SLC35F1: variants seen among roughly 807,000 people sequenced by gnomAD.
SLC35F1 encodes the protein chromosome 6 open reading frame 169.
SLC35F1 carries 14 observed loss-of-function variants against 48.7 expected under a neutral mutation model. The ratio of observed to expected loss-of-function variants is 0.29; its 90% CI spans 0.19 to 0.45. The LOEUF (loss-of-function observed/expected upper bound fraction) is 0.45, where lower values mean the gene tolerates loss of function less well. Among genes scored for constraint, SLC35F1 ranks in the 20% least tolerant of loss-of-function variants. The pLI is 1.00. For synonymous variants in SLC35F1, 190 were observed against 202.2 expected (o/e 0.94, Z 0.51); for missense variants, 404 against 500.0 (o/e 0.81, Z 1.83).
At chr6:118,049,237 G>A (rs1326185420) in intron 1 of SLC35F1, among the ~76,000 whole-genome samples, 2 of 152,122 alleles carry the variant, frequency 1.3e-5, no homozygotes, top group Non-Finnish European at 2.9e-5. Flanking sequence ...AGACTTAAAT[G>A]TTAGACCTAA....
chr6:118,297,673 AG>A (rs879927139), intron 7 of SLC35F1, among the ~76,000 whole-genome samples: 14,717 of 140,358 alleles, frequency 0.1, 1,256 homozygotes, highest in African/African-American at 0.2. Flanking sequence ...ATATTATATA[AG>A]TTCTGAGAAA....
chr6:118,116,113 A>G (rs1450095004), intron 1 of SLC35F1, among the ~76,000 whole-genome samples: 1 of 152,170 alleles, frequency 6.6e-6, no homozygotes, highest in Non-Finnish European at 1.5e-5. Flanking sequence ...GTCCTTTTGT[A>G]TAGTGCCCCC....
At chr6:118,187,805 A>T (rs933093376) in intron 2 of SLC35F1, among the ~76,000 whole-genome samples, 11 of 152,218 alleles carry the variant, frequency 7.2e-5, no homozygotes, top group Non-Finnish European at 1.6e-4. Context: ...CCTAGCATAT[A>T]AATCATTCAC....
intron 1 of SLC35F1, among the ~76,000 whole-genome samples, chr6:117,923,701 A>ACATATACG (rs1562238819): frequency 5.7e-5 from 1 of 17,488 alleles, no homozygotes; most frequent in Non-Finnish European, 1.2e-4. Flanking sequence ...GTACATATAC[A>ACATATACG]TATATGTACA....
intron 1 of SLC35F1, among the ~76,000 whole-genome samples, chr6:118,020,838 C>T (rs1052017399): frequency 1.3e-5 from 2 of 152,034 alleles, no homozygotes; most frequent in Non-Finnish European, 2.9e-5. Context: ...ACTATAGGAG[C>T]AGGGTGAATA....
intron 1 of SLC35F1, among the ~76,000 whole-genome samples, chr6:117,919,273 C>T (rs1250616200): frequency 1.3e-5 from 2 of 151,996 alleles, no homozygotes; most frequent in African/African-American, 4.8e-5. Context: ...TAGCCTGTGT[C>T]GTATGTTTTG....
At chr6:117,980,003 G>C (rs150552753) in intron 1 of SLC35F1, among the ~76,000 whole-genome samples, 37 of 152,264 alleles carry the variant, frequency 2.4e-4, no homozygotes, top group Non-Finnish European at 4.1e-4. Flanking sequence ...GCACAGTTGT[G>C]AAATTTCTTC....
chr6:118,243,519 A>G (rs2114594240), intron 3 of SLC35F1, among the ~76,000 whole-genome samples: 1 of 152,334 alleles, frequency 6.6e-6, no homozygotes, highest in Non-Finnish European at 1.5e-5. Context: ...GCTATGAGGC[A>G]ACCGACAGCT....
At position 117,907,519 on chromosome 6, in the gene SLC35F1, G is replaced by A; in HGVS notation, c.-208G>A. The A allele has an allele frequency of 3.3e-6, 1 of 306,024 alleles. No individual in the cohort carries two copies. Among genetic ancestry groups the A allele is most frequent in the Non-Finnish European group, 5.9e-6 (1 of 168,940 alleles). The allele number at this position is 306,024 out of a possible 1,614,324, so 19.0% of individuals were successfully genotyped here. A position where few individuals can be genotyped will look rare whatever the true frequency, so the allele number is the denominator to read the frequency against. On this transcript the variant is annotated 5_prime_UTR_variant, in exon 1 of 8. Transcript: ENST00000360388. Reference sequence around the variant, plus strand: ...GGCGGCGGCACGGGCGCGAGGGTGCGCGCACTGGGACTGGAGAGGAGTGAG... The same window carrying A: ...GGCGGCGGCACGGGCGCGAGGGTGCACGCACTGGGACTGGAGAGGAGTGAG...
chr6:118,050,237 G>C (rs1193000895), intron 1 of SLC35F1, among the ~76,000 whole-genome samples: 1 of 151,820 alleles, frequency 6.6e-6, no homozygotes, highest in Non-Finnish European at 1.5e-5. Context: ...AGGGGGGAGG[G>C]ATAGCATTAG....
intron 6 of SLC35F1, among the ~76,000 whole-genome samples, chr6:118,283,980 C>T (rs544639165): frequency 6.6e-6 from 1 of 152,260 alleles, no homozygotes; most frequent in South Asian, 2.1e-4. Flanking sequence ...TTCTACCACG[C>T]TAGAGGGGGC....
At chr6:118,051,432 T>G (rs897620827) in intron 1 of SLC35F1, among the ~76,000 whole-genome samples, 1 of 152,188 alleles carries the variant, frequency 6.6e-6, no homozygotes, top group African/African-American at 2.4e-5. Context: ...GCAATGAGTG[T>G]GATTCTTGCA....
chr6:118,063,430 T>G (rs879892992), intron 1 of SLC35F1, among the ~76,000 whole-genome samples: 1 of 152,158 alleles, frequency 6.6e-6, no homozygotes, highest in Non-Finnish European at 1.5e-5. Flanking sequence ...TAAGGGAAAT[T>G]ACACAATATT....
chr6:118,083,560 A>G (rs911417611), intron 1 of SLC35F1, among the ~76,000 whole-genome samples: 3 of 152,222 alleles, frequency 2.0e-5, no homozygotes, highest in African/African-American at 7.2e-5. Context: ...TTAAAAGCAA[A>G]TAATTAAAGG....
At chr6:118,192,740 C>G (rs557356768) in intron 2 of SLC35F1, among the ~76,000 whole-genome samples, 1 of 152,056 alleles carries the variant, frequency 6.6e-6, no homozygotes, top group Non-Finnish European at 1.5e-5. Context: ...TAAACATTAT[C>G]TTTTATTTTG....
At chr6:118,222,477 T>C (rs888694867) in intron 2 of SLC35F1, among the ~76,000 whole-genome samples, 1 of 152,062 alleles carries the variant, frequency 6.6e-6, no homozygotes, top group Non-Finnish European at 1.5e-5. Context: ...TAACTTGACC[T>C]TCAAGGCCTA....
intron 1 of SLC35F1, among the ~76,000 whole-genome samples, chr6:118,146,239 G>A (rs1773971575): frequency 6.6e-6 from 1 of 152,110 alleles, no homozygotes; most frequent in South Asian, 2.1e-4. Context: ...TCTAACTAAT[G>A]GAATGAGCAG....
chr6:117,963,680 T>A (rs1485211118), intron 1 of SLC35F1, among the ~76,000 whole-genome samples: 3 of 152,230 alleles, frequency 2.0e-5, no homozygotes, highest in African/African-American at 4.8e-5. Flanking sequence ...TTTTAGTGAC[T>A]GATTCTGTAC....
chr6:118,246,734 C>T (rs929321018), intron 3 of SLC35F1, among the ~76,000 whole-genome samples: 1 of 152,140 alleles, frequency 6.6e-6, no homozygotes, highest in South Asian at 2.1e-4. Context: ...ATCCTTTCCC[C>T]TGGTGTGATC....
Sources: allele counts gnomAD v4.1 joint callset (sites outside exome capture counted in the v4.1 genomes callset), GRCh38; gene constraint gnomAD v4.1.1; transcripts MANE v1.5; gene names NCBI Gene and HGNC (gene_info 2026-07-23, HGNC 2026-07-21).